OR1J2: variants seen among roughly 807,000 people sequenced by gnomAD.
OR1J2 encodes the protein olfactory receptor 1J2.
For missense variants in OR1J2, 304 were observed against 246.1 expected (o/e 1.24, Z -1.57); for synonymous variants, 142 against 99.7 (o/e 1.42, Z -2.52).
chr9:122,488,032 T>A, the OR1J2 span, among the ~76,000 whole-genome samples: 1 of 152,230 alleles, frequency 6.6e-6, no homozygotes, highest in Non-Finnish European at 1.5e-5. Flanking sequence ...CACATTAACT[T>A]CAAACCTAAA....
the OR1J2 span, among the ~76,000 whole-genome samples, chr9:122,496,888 T>C: frequency 1.3e-5 from 2 of 152,180 alleles, no homozygotes; most frequent in African/African-American, 4.8e-5. Context: ...GCTTGACTAT[T>C]CCCTTTAGCT....
At chr9:122,469,793 T>G in the OR1J2 span, among the ~76,000 whole-genome samples, 1 of 152,196 alleles carries the variant, frequency 6.6e-6, no homozygotes, top group Admixed American at 6.5e-5. Context: ...TTTTGGGAAC[T>G]GGAGCAAAGT....
At chr9:122,541,520 T>C in the OR1J2 span, among the ~76,000 whole-genome samples, 1 of 152,184 alleles carries the variant, frequency 6.6e-6, no homozygotes, top group African/African-American at 2.4e-5. Context: ...GTTTGGGTCT[T>C]GGGGTGGCCA....
At chr9:122,561,393 G>A in the OR1J2 span, among the ~76,000 whole-genome samples, 1 of 152,146 alleles carries the variant, frequency 6.6e-6, no homozygotes, top group Non-Finnish European at 1.5e-5. Context: ...GAGAGGTGTT[G>A]TGATCATTTG....
chr9:122,499,480 G>A, the OR1J2 span, among the ~76,000 whole-genome samples: 2 of 152,058 alleles, frequency 1.3e-5, no homozygotes, highest in South Asian at 4.2e-4. Context: ...CCTGGGCATG[G>A]ATCAGAGAGA....
chr9:122,570,362 A>G, the OR1J2 span, among the ~76,000 whole-genome samples: 3 of 152,232 alleles, frequency 2.0e-5, no homozygotes, highest in African/African-American at 7.2e-5. Flanking sequence ...TCTTTACAGC[A>G]GTATATTCTT....
At chr9:122,526,073 G>A in the OR1J2 span, among the ~76,000 whole-genome samples, 2 of 152,102 alleles carry the variant, frequency 1.3e-5, no homozygotes, top group Non-Finnish European at 2.9e-5. Flanking sequence ...GTTGGGGGAG[G>A]AATGAAGAAT....
chr9:122,503,278 A>G, the OR1J2 span, among the ~76,000 whole-genome samples: 1 of 152,234 alleles, frequency 6.6e-6, no homozygotes, highest in Non-Finnish European at 1.5e-5. Flanking sequence ...GAATCATTGC[A>G]CTCAGGTCTG....
the OR1J2 span, chr9:122,520,106 C>A: frequency 6.5e-7 from 1 of 1,540,466 alleles, no homozygotes; most frequent in Non-Finnish European, 8.9e-7. Context: ...TTATAACAGA[C>A]ATATGTACTG....
the OR1J2 span, among the ~76,000 whole-genome samples, chr9:122,560,228 A>T: frequency 0.028 from 4,285 of 151,798 alleles, 191 homozygotes; most frequent in African/African-American, 0.098. Flanking sequence ...GTTTCTTTGC[A>T]CGTGAGATGG....
chr9:122,553,263 C>T, the OR1J2 span: 427,079 of 1,612,470 alleles, frequency 0.26, 61,405 homozygotes, highest in East Asian at 0.51. Flanking sequence ...CTTCCTCCTT[C>T]TAGGACTCTC....
At chr9:122,567,729 G>T in the OR1J2 span, 4 of 1,614,030 alleles carry the variant, frequency 2.5e-6, no homozygotes, top group Non-Finnish European at 3.4e-6. Context: ...ATAAAAGAGC[G>T]TCACCACGGT....
chr9:122,546,453 T>C, the OR1J2 span, among the ~76,000 whole-genome samples: 1 of 152,192 alleles, frequency 6.6e-6, no homozygotes, highest in Non-Finnish European at 1.5e-5. Context: ...GAACGTTTGC[T>C]CGCACGGTGC....
chr9:122,464,872 T>C, the OR1J2 span, among the ~76,000 whole-genome samples: 2 of 152,186 alleles, frequency 1.3e-5, no homozygotes, highest in Non-Finnish European at 2.9e-5. Flanking sequence ...TTTTTGTCTT[T>C]TTTGGAAAGT....
At chr9:122,550,701 C>G in the OR1J2 span, among the ~76,000 whole-genome samples, 1 of 151,606 alleles carries the variant, frequency 6.6e-6, no homozygotes, top group Non-Finnish European at 1.5e-5. Flanking sequence ...ATTCCATATC[C>G]CTTCATGATA....
At chr9:122,564,617 G>T in the OR1J2 span, among the ~76,000 whole-genome samples, 1 of 152,212 alleles carries the variant, frequency 6.6e-6, no homozygotes, top group East Asian at 1.9e-4. Flanking sequence ...GGATCCTGGA[G>T]AATGACAGTG....
chr9:122,558,485 T>A, the OR1J2 span, among the ~76,000 whole-genome samples: 14 of 151,918 alleles, frequency 9.2e-5, no homozygotes, highest in African/African-American at 3.1e-4. Flanking sequence ...TAAAGTGGCT[T>A]TGAGTGCTGA....
At chr9:122,513,008 A>G (rs908893939), downstream of OR1J2, among the ~76,000 whole-genome samples, 12 of 152,246 alleles carry the variant, frequency 7.9e-5, no homozygotes, top group African/African-American at 2.4e-4. Context: ...CAGAAAAACT[A>G]TAACCCCACA....
At chr9:122,568,984 G>T in the OR1J2 span, among the ~76,000 whole-genome samples, 1 of 149,278 alleles carries the variant, frequency 6.7e-6, no homozygotes, top group Non-Finnish European at 1.5e-5. Context: ...AGATGGGGAG[G>T]TTTCAGGACA....
Sources: gnomAD v4.1 joint callset for allele counts (sites outside exome capture counted in the v4.1 genomes callset) on GRCh38, gnomAD v4.1.1 for gene constraint, MANE v1.5 for transcripts, NCBI Gene and HGNC (gene_info 2026-07-23, HGNC 2026-07-21) for gene names.